The following MAEA variants were observed in gnomAD, a reference collection of about 807,000 sequenced individuals.
MAEA encodes E3 ubiquitin-protein transferase MAEA.
A neutral mutation model predicts 46.2 loss-of-function variants in MAEA; 22 were observed. The ratio of observed to expected loss-of-function variants is 0.48; its 90% CI spans 0.34 to 0.68. MAEA has a LOEUF of 0.68. Among genes scored for constraint, MAEA ranks in the 30% least tolerant of loss-of-function variants. The pLI is 0.01. For synonymous variants in MAEA, 246 were observed against 222.6 expected, an observed-to-expected ratio of 1.11 and a Z score of -0.94; for missense variants, 393 against 558.1, an observed-to-expected ratio of 0.70 and a Z score of 2.98.
In MAEA at chr4:1,337,095, C is replaced by G. The variant is rs1189580022; in HGVS notation, c.899+101C>G. ...GCACCTTGCCACTCTTGTCCTCCCACCACAGACAGCCCCGAGCTCCCGTGT... is the reference window on the plus strand; with the variant it reads ...GCACCTTGCCACTCTTGTCCTCCCAGCACAGACAGCCCCGAGCTCCCGTGT... On this transcript the variant is annotated intron_variant, in intron 7 of 8. Coordinates refer to ENST00000303400, the MANE Select transcript of MAEA (RefSeq NM_001017405.3). The G allele has an allele frequency of 5.7e-6, 8 of 1,412,498 alleles. No homozygotes were observed. In the African/African-American group the frequency reaches 9.9e-5, roughly 17 times the overall value. 87.5% of individuals were successfully genotyped at this position (1,412,498 alleles called of 1,614,324 possible). A position where few individuals can be genotyped will look rare whatever the true frequency, so the allele number is the denominator to read the frequency against.
chr4:1,323,240 C>T (rs756423354), intron 4 of MAEA, among the ~76,000 whole-genome samples: 7 of 152,090 alleles, frequency 4.6e-5, no homozygotes, highest in East Asian at 1.9e-4. Flanking sequence ...CCACCGTGCC[C>T]GGCCGAGTAC....
intron 6 of MAEA, chr4:1,335,239 A>G (rs2109012777): frequency 1.0e-6 from 1 of 985,506 alleles, no homozygotes; most frequent in Non-Finnish European, 1.2e-6. Flanking sequence ...CTCTGAAGTA[A>G]GAGTTTTTAC....
rs768813306 is a variant in MAEA at position 1,289,891 on chromosome 4, G to A, written c.-23G>A. 4 of 1,584,306 alleles carry A rather than the reference G, an allele frequency of 2.5e-6. No individual in the cohort carries two copies. The highest frequency in any genetic ancestry group is 1.7e-4 in the Middle Eastern group (1 of 5,722). ...CAGCGCGCTCGCGCGTCCCCCGCCC[G>A]CTAATGTTTTGGCCGCTTCAAGATG... On this transcript the variant is annotated 5_prime_UTR_variant, in exon 1 of 9. Transcript: ENST00000303400.
intron 1 of MAEA, among the ~76,000 whole-genome samples, chr4:1,307,351 C>G (rs1403447956): frequency 6.6e-6 from 1 of 152,160 alleles, no homozygotes; most frequent in Non-Finnish European, 1.5e-5. Flanking sequence ...ATCCACCATT[C>G]TGCTTTATGT....
chr4:1,329,523 G>A, intron 5 of MAEA: 1 of 985,394 alleles, frequency 1.0e-6, no homozygotes, highest in Non-Finnish European at 1.2e-6. Context: ...TCAGCAGCCA[G>A]CCGGGCAGGC....
At chr4:1,316,556 A>G (rs758985114) in intron 3 of MAEA, among the ~76,000 whole-genome samples, 1 of 152,000 alleles carries the variant, frequency 6.6e-6, no homozygotes, top group Non-Finnish European at 1.5e-5. Flanking sequence ...ATGCCCAGCC[A>G]TGCGCCTGGC....
chr4:1,309,734 T>G, intron 1 of MAEA: 2 of 1,513,000 alleles, frequency 1.3e-6, no homozygotes, highest in Non-Finnish European at 1.8e-6. Flanking sequence ...CCCGGCCTCC[T>G]TCATGCCTGC....
At chr4:1,294,686 C>T (rs1286642116) in intron 1 of MAEA, among the ~76,000 whole-genome samples, 1 of 151,924 alleles carries the variant, frequency 6.6e-6, no homozygotes, top group Non-Finnish European at 1.5e-5. Flanking sequence ...CAAGTGAGGC[C>T]CCTGTCTACG....
At chr4:1,337,563 G>A (rs1014932431) in intron 7 of MAEA, 3 of 177,172 alleles carry the variant, frequency 1.7e-5, no homozygotes, top group Admixed American at 5.9e-5. Flanking sequence ...AGTCTGTCCC[G>A]TTTGTGACTG....
Position 1,311,975 on chromosome 4 carries a change from C to G in MAEA, c.70-4C>G, listed in dbSNP as rs1271235817. 1 of 1,604,762 alleles carries G rather than the reference C, an allele frequency of 6.2e-7. No homozygotes were observed. The highest frequency in any genetic ancestry group is 1.7e-5 in the Admixed American group (1 of 59,798). On this transcript the variant is annotated splice_region_variant and splice_polypyrimidine_tract_variant and intron_variant, in intron 1 of 8. Transcript: ENST00000303400. This position sits in a 1 kb window ranked among gnomAD's most constrained non-coding sequence, Gnocchi z 4.4. ...GATCCCTCACCATCCTCCTTCCTCT[C>G]CAGGTGCCCTACGAGACGCTGAACA...
chr4:1,338,309 T>C (rs1242229952), intron 7 of MAEA, 113 bp from the exon 8 acceptor site: 3 of 788,132 alleles, frequency 3.8e-6, no homozygotes, highest in Non-Finnish European at 4.1e-6. Flanking sequence ...GTAGTCAGCA[T>C]GGCGCCCACA....
chr4:1,318,030 A>G (rs2108937705), intron 3 of MAEA, among the ~76,000 whole-genome samples: 1 of 152,312 alleles, frequency 6.6e-6, no homozygotes, highest in African/African-American at 2.4e-5. Flanking sequence ...TGTGACGGAC[A>G]GTGGGCCAGC....
At chr4:1,316,446 G>A (rs185727978) in intron 3 of MAEA, among the ~76,000 whole-genome samples, 59 of 152,256 alleles carry the variant, frequency 3.9e-4, no homozygotes, top group Admixed American at 3.9e-3. Context: ...GGTGGCGTCC[G>A]TGTTCCATTT....
At chr4:1,298,073 C>T in intron 1 of MAEA, 1 of 456,320 alleles carries the variant, frequency 2.2e-6, no homozygotes, top group Non-Finnish European at 4.4e-6. Flanking sequence ...TGCCTGGCAG[C>T]ATAGCCATGC....
chr4:1,297,714 T>C (rs928490213), intron 1 of MAEA, among the ~76,000 whole-genome samples: 1 of 152,154 alleles, frequency 6.6e-6, no homozygotes, highest in South Asian at 2.1e-4. Flanking sequence ...CACCCACGAG[T>C]GCCTGGCACA....
chr4:1,302,543 C>T (rs1384398496), intron 1 of MAEA, among the ~76,000 whole-genome samples: 1 of 152,230 alleles, frequency 6.6e-6, no homozygotes, highest in Non-Finnish European at 1.5e-5. Context: ...ACAGTGGCGC[C>T]ATCTCGGCTC....
chr4:1,290,104 G>A, intron 1 of MAEA, 122 bp downstream of exon 1: 6 of 504,916 alleles, frequency 1.2e-5, no homozygotes, highest in African/African-American at 2.1e-5. Flanking sequence ...GCGCGGCCTC[G>A]CGGGGCCGTG....
chr4:1,303,208 G>A (rs1353471225), intron 1 of MAEA, among the ~76,000 whole-genome samples: 6 of 108,472 alleles, frequency 5.5e-5, no homozygotes, highest in African/African-American at 2.2e-4. Flanking sequence ...CCAACATGGT[G>A]AAACCCCGTC....
chr4:1,323,872 G>C (rs903534976), intron 4 of MAEA, among the ~76,000 whole-genome samples: 5 of 152,288 alleles, frequency 3.3e-5, no homozygotes, highest in African/African-American at 1.2e-4. Context: ...TCGGGGCCCT[G>C]AATGCATGCC....
Sources: gnomAD v4.1 joint callset for allele counts (sites outside exome capture counted in the v4.1 genomes callset) on GRCh38, gnomAD v4.1.1 for gene constraint, Gnocchi (gnomAD v3.1) non-coding constraint, MANE v1.5 for transcripts, NCBI Gene and HGNC (gene_info 2026-07-23, HGNC 2026-07-21) for gene names.